GRIN3A: variants seen among roughly 807,000 people sequenced by gnomAD.
The protein encoded by GRIN3A is glutamate ionotropic receptor NMDA type subunit 3A, also known as glutamate receptor ionotropic, NMDA 3A.
GRIN3A carries 47 observed loss-of-function variants against 92.4 expected under a neutral mutation model. The ratio of observed to expected loss-of-function variants is 0.51; its 90% confidence interval spans 0.40 to 0.65. The LOEUF (loss-of-function observed/expected upper bound fraction) is 0.65, where lower values mean the gene tolerates loss of function less well. GRIN3A is among the 30% of genes least tolerant of loss of function. GRIN3A has a pLI of 0.00. For synonymous variants in GRIN3A, 527 were observed against 540.6 expected, an observed-to-expected ratio of 0.97 and a Z score of 0.35; for missense variants, 1,324 against 1,393.1, an observed-to-expected ratio of 0.95 and a Z score of 0.79.
chr9:101,727,059 C>G (rs1830089305), intron 1 of GRIN3A, among the ~76,000 whole-genome samples: 1 of 152,064 alleles, frequency 6.6e-6, no homozygotes, highest in South Asian at 2.1e-4. Flanking sequence ...AGAGGGTGTT[C>G]TGCAGCACAA....
intron 6 of GRIN3A, among the ~76,000 whole-genome samples, chr9:101,589,762 A>G (rs1827998724): frequency 6.6e-6 from 1 of 152,054 alleles, no homozygotes; most frequent in African/African-American, 2.4e-5. Context: ...ACATTTTTCT[A>G]CTGTTTCAGG....
In GRIN3A at chr9:101,621,534, T is replaced by C. The variant is rs28385510; in HGVS notation, c.2614+1784A>G. 8.9e-3 allele frequency among the ~76,000 whole-genome samples: 1,350 copies of C among 152,316 alleles called. 23 individuals carry two copies. The highest frequency in any genetic ancestry group is 0.031 in the African/African-American group (1,296 of 41,556). On this transcript the variant is annotated intron_variant, in intron 5 of 8. Coordinates refer to ENST00000361820, the MANE Select transcript of GRIN3A (RefSeq NM_133445.3). ...ATTCTCTCAATTAAAACCTGCAGTA[T>C]TTCTACTCTCTTGCAGGGAGGGCTT...
chr9:101,602,549 C>G (rs1417494940), intron 6 of GRIN3A, among the ~76,000 whole-genome samples: 1 of 152,136 alleles, frequency 6.6e-6, no homozygotes, highest in African/African-American at 2.4e-5. Flanking sequence ...GTTTTAGCAC[C>G]GTTCATACCT....
intron 1 of GRIN3A, among the ~76,000 whole-genome samples, chr9:101,702,173 A>G (rs1015419396): frequency 2.6e-5 from 4 of 152,136 alleles, no homozygotes; most frequent in Admixed American, 2.0e-4. Context: ...GTGGTAGCAT[A>G]TGCCTGTAAT....
intron 6 of GRIN3A, among the ~76,000 whole-genome samples, chr9:101,611,249 C>A (rs954930902): frequency 6.6e-6 from 1 of 152,158 alleles, no homozygotes; most frequent in African/African-American, 2.4e-5. Flanking sequence ...TCTCTCCTAG[C>A]TTCTGAGGAT....
At chr9:101,603,684 T>A (rs1299326327) in intron 6 of GRIN3A, among the ~76,000 whole-genome samples, 4 of 152,200 alleles carry the variant, frequency 2.6e-5, no homozygotes, top group African/African-American at 9.7e-5. Context: ...TGTGACTGGA[T>A]AACAAGCGGG....
rs1186154704 is a variant in GRIN3A, at chr9:101,577,755, G to A, written c.3008+13C>T. ...TACAAATATAAAGACAGTTGCCATT[G>A]GCCCCTTCTTACCTCTTTTCCACAC... On this transcript the variant is annotated intron_variant, in intron 8 of 8. Coordinates refer to ENST00000361820, the MANE Select transcript of GRIN3A (RefSeq NM_133445.3). 8.2e-6 allele frequency: 13 copies of A among 1,586,850 alleles called. No homozygotes were observed. The highest frequency in any genetic ancestry group is 2.2e-5 in the East Asian group (1 of 44,698).
chr9:101,651,432 C>T (rs1829013449), intron 3 of GRIN3A, among the ~76,000 whole-genome samples: 1 of 151,912 alleles, frequency 6.6e-6, no homozygotes, highest in African/African-American at 2.4e-5. Context: ...AAAGAGTCGT[C>T]AGAGATACTA....
chr9:101,684,181 C>A (rs1168698462), intron 2 of GRIN3A, among the ~76,000 whole-genome samples: 4 of 151,186 alleles, frequency 2.6e-5, no homozygotes, highest in Non-Finnish European at 5.9e-5. Flanking sequence ...CGGCTCACTG[C>A]AACCTCTGCC....
chr9:101,607,741 A>G (rs535558168), intron 6 of GRIN3A, among the ~76,000 whole-genome samples: 1 of 152,356 alleles, frequency 6.6e-6, no homozygotes, highest in Admixed American at 6.5e-5. Flanking sequence ...TCCCCACACT[A>G]ACAGAGCCCG....
intron 1 of GRIN3A, among the ~76,000 whole-genome samples, chr9:101,729,607 T>C (rs1830116506): frequency 6.6e-6 from 1 of 152,166 alleles, no homozygotes; most frequent in South Asian, 2.1e-4. Context: ...ACCCTTTCTA[T>C]CTCAAGATGC....
At chr9:101,668,522 G>C (rs182502340) in intron 3 of GRIN3A, among the ~76,000 whole-genome samples, 2 of 152,168 alleles carry the variant, frequency 1.3e-5, no homozygotes, top group Admixed American at 1.3e-4. Flanking sequence ...ATAAACAAAG[G>C]CTGCTGATGC....
Position 101,737,702 on chromosome 9 carries a change from G to A in GRIN3A, c.278C>T (p.Pro93Leu), listed in dbSNP as rs779103680. The A allele has an allele frequency of 1.6e-5, 24 of 1,541,480 alleles. No individual in the cohort carries two copies. The highest frequency in any genetic ancestry group is 1.7e-5 in the Non-Finnish European group (20 of 1,149,462). The change falls in exon 1 of 9, where the codon CCG (proline) becomes CTG (leucine). Residue 93 changes from proline to leucine, a missense_variant. Physicochemically the swap from Pro to Leu is moderately conservative, Grantham distance 98. Coordinates refer to ENST00000361820, the MANE Select transcript of GRIN3A (RefSeq NM_133445.3). ...GGTGCTCCCCAACCAGCGTGCGCCC[G>A]GCGAGGGCGCCGGGGACCGCCTAGT... ...PGTRRSPAPS[P>L]GARWLGSTLH...
intron 3 of GRIN3A, among the ~76,000 whole-genome samples, chr9:101,640,929 T>G (rs1431833020): frequency 6.6e-6 from 1 of 152,168 alleles, no homozygotes; most frequent in East Asian, 1.9e-4. Context: ...ATCAGCAGTA[T>G]GAAAACAGGC....
At chr9:101,716,764 G>C (rs543713803) in intron 1 of GRIN3A, among the ~76,000 whole-genome samples, 1 of 152,294 alleles carries the variant, frequency 6.6e-6, no homozygotes, top group East Asian at 1.9e-4. Context: ...TCCAGAAGGT[G>C]TTGAACTGGT....
At chr9:101,642,294 C>A (rs1441937065) in intron 3 of GRIN3A, among the ~76,000 whole-genome samples, 7 of 152,134 alleles carry the variant, frequency 4.6e-5, no homozygotes. Flanking sequence ...ATAATATTTG[C>A]CCTTTACCTG....
At chr9:101,601,013 A>G (rs1828203785) in intron 6 of GRIN3A, 1 of 152,356 alleles carries the variant, frequency 6.6e-6, no homozygotes. Context: ...ATGTCATCAG[A>G]GAGGTAAGGG....
Position 101,686,771 on chromosome 9 carries a change from G to A in GRIN3A, c.1129C>T (p.His377Tyr), listed in dbSNP as rs1472988383. Residue 377 changes from histidine (H) to tyrosine (Y), a missense_variant, in exon 2 of 9, where the codon CAT becomes TAT. His to Tyr is a moderately conservative substitution (Grantham distance 83). Transcript: ENST00000361820. ...AAGACAGACTGTGTTGTTTTTCCAT[G>A]AGCAATGAGCCCTAAGGGCAGACCC... is the stretch of plus-strand genomic sequence containing the variant. ...TEGLPLGLIA[H>Y]GKTTQSVFEH... 1 of 1,614,086 alleles carries A rather than the reference G, an allele frequency of 6.2e-7. No individual in the cohort carries two copies. Among genetic ancestry groups the A allele is most frequent in the African/African-American group, 1.3e-5 (1 of 75,036 alleles).
chr9:101,643,695 A>ACC (rs1156672677), intron 3 of GRIN3A, among the ~76,000 whole-genome samples: 18 of 150,602 alleles, frequency 1.2e-4, no homozygotes, highest in East Asian at 7.9e-4. Context: ...ACACACACAC[A>ACC]CCCACACGAA....
Sources: gnomAD v4.1 joint callset for allele counts (sites outside exome capture counted in the v4.1 genomes callset) on GRCh38, gnomAD v4.1.1 for gene constraint, MANE v1.5 for transcripts, NCBI Gene and HGNC (gene_info 2026-07-23, HGNC 2026-07-21) for gene names.